CXCL13: variants seen among roughly 807,000 people sequenced by gnomAD.
CXCL13 encodes C-X-C motif chemokine ligand 13.
A neutral mutation model predicts 12.2 loss-of-function variants in CXCL13; 7 were observed. The observed-to-expected ratio is 0.57, with a 90% CI of 0.33 to 1.07. The LOEUF is 1.07. Ranked by LOEUF, CXCL13 falls within the 50% of genes least tolerant of loss-of-function variation. The probability of loss-of-function intolerance (pLI) is 0.04; values close to 1 mark genes in which losing one functional copy is unlikely to be tolerated. For synonymous variants in CXCL13, 47 were observed against 42.4 expected, an observed-to-expected ratio of 1.11 and a Z score of -0.42; for missense variants, 113 against 127.4, an observed-to-expected ratio of 0.89 and a Z score of 0.55.
At chr4:77,558,672 G>A (rs1181538917) in intron 1 of CXCL13, among the ~76,000 whole-genome samples, 1 of 152,154 alleles carries the variant, frequency 6.6e-6, no homozygotes, top group Non-Finnish European at 1.5e-5. Flanking sequence ...CACTTCTGTA[G>A]GAATCAGAGG....
chr4:77,517,248 A>G (rs937175518), intron 1 of CXCL13, among the ~76,000 whole-genome samples: 14 of 152,116 alleles, frequency 9.2e-5, no homozygotes, highest in African/African-American at 3.4e-4. Flanking sequence ...ATTTTGGAAT[A>G]GGTGTGGTGT....
intron 1 of CXCL13, among the ~76,000 whole-genome samples, chr4:77,545,802 G>T (rs1725347520): frequency 6.6e-6 from 1 of 152,192 alleles, no homozygotes; most frequent in Non-Finnish European, 1.5e-5. Flanking sequence ...GGAGTGGTGA[G>T]AGAGGGCATC....
chr4:77,523,288 A>G (rs1724662992), intron 1 of CXCL13, among the ~76,000 whole-genome samples: 1 of 152,194 alleles, frequency 6.6e-6, no homozygotes. Context: ...CTCCTGGATA[A>G]TATCCTGAAG....
intron 1 of CXCL13, among the ~76,000 whole-genome samples, chr4:77,513,910 T>C (rs530479303): frequency 6.6e-6 from 1 of 151,866 alleles, no homozygotes. Flanking sequence ...AACCACTAAC[T>C]CGTCATCTAG....
chr4:77,550,631 G>A (rs908660940), intron 1 of CXCL13, among the ~76,000 whole-genome samples: 1 of 152,134 alleles, frequency 6.6e-6, no homozygotes, highest in African/African-American at 2.4e-5. Flanking sequence ...AGATGTCCTA[G>A]GTCCAATTGA....
chr4:77,529,433 T>A (rs1168091165), intron 1 of CXCL13, among the ~76,000 whole-genome samples: 1 of 152,224 alleles, frequency 6.6e-6, no homozygotes, highest in African/African-American at 2.4e-5. Context: ...CTTCCATTTG[T>A]TTGTATCCTC....
At chr4:77,605,713 A>AT, upstream of CXCL13, 1 of 428,220 alleles carries the variant, frequency 2.3e-6, no homozygotes, top group Non-Finnish European at 4.3e-6. Context: ...GCTCAGCAAT[A>AT]TTTGGGGGCT....
intron 1 of CXCL13, among the ~76,000 whole-genome samples, chr4:77,550,032 T>A (rs1019958984): frequency 6.6e-6 from 1 of 152,214 alleles, no homozygotes; most frequent in Non-Finnish European, 1.5e-5. Context: ...GTTTACTTAG[T>A]CAAGCCTCAG....
intron 1 of CXCL13, among the ~76,000 whole-genome samples, chr4:77,573,320 A>C (rs1415037697): frequency 6.6e-6 from 1 of 150,898 alleles, no homozygotes; most frequent in Non-Finnish European, 1.5e-5. Context: ...TTGTGTTACT[A>C]TCTCAAGACT....
intron 1 of CXCL13, among the ~76,000 whole-genome samples, chr4:77,524,777 T>C (rs1000568530): frequency 6.6e-6 from 1 of 152,176 alleles, no homozygotes; most frequent in African/African-American, 2.4e-5. Context: ...CAGTTGGAAA[T>C]GCAGAAGTCC....
intron 1 of CXCL13, among the ~76,000 whole-genome samples, chr4:77,559,985 C>A (rs1725767119): frequency 6.7e-6 from 1 of 150,256 alleles, no homozygotes; most frequent in African/African-American, 2.4e-5. Flanking sequence ...GCTCCAGTGA[C>A]CCCTTCACTT....
Position 77,529,945 on chromosome 4 carries a change from G to A in CXCL13, c.-43+18157G>A, listed in dbSNP as rs558142918. Among the ~76,000 whole-genome samples, 10 of 152,264 alleles carry A rather than the reference G, an allele frequency of 6.6e-5. No individual in the cohort carries two copies. The East Asian group carries it at 7.7e-4, about 12-fold the overall frequency. Reference sequence around the variant, plus strand: ...AATAGCTCTCATTATTTTGAGATACGCTCCATCAATACCTAATTTATTGAG... The same window carrying A: ...AATAGCTCTCATTATTTTGAGATACACTCCATCAATACCTAATTTATTGAG... On this transcript the variant is annotated intron_variant, in intron 1 of 4. Coordinates refer to the CXCL13 transcript ENST00000286758.
chr4:77,570,762 T>TCGGCCGGCC (rs1726054391), intron 1 of CXCL13, among the ~76,000 whole-genome samples: 1 of 149,358 alleles, frequency 6.7e-6, no homozygotes, highest in Non-Finnish European at 1.5e-5. Context: ...GTCAGAGCGG[T>TCGGCCGGCC]CGGCCGGCCC....
At chr4:77,608,711 T>C (rs1340668834) in intron 2 of CXCL13, among the ~76,000 whole-genome samples, 1 of 152,210 alleles carries the variant, frequency 6.6e-6, no homozygotes, top group Non-Finnish European at 1.5e-5. Flanking sequence ...AAAGTGCATA[T>C]GGTAGTTTTT....
At chr4:77,532,044 A>G (rs1008556049) in intron 1 of CXCL13, among the ~76,000 whole-genome samples, 14 of 152,200 alleles carry the variant, frequency 9.2e-5, no homozygotes, top group African/African-American at 3.4e-4. Flanking sequence ...TAGCCCATTT[A>G]CATTTAAGGT....
intron 1 of CXCL13, among the ~76,000 whole-genome samples, chr4:77,515,582 G>A (rs1371642068): frequency 6.6e-6 from 1 of 152,150 alleles, no homozygotes; most frequent in Non-Finnish European, 1.5e-5. Context: ...GTGAATGGGA[G>A]TTCACTCATG....
intron 1 of CXCL13, among the ~76,000 whole-genome samples, chr4:77,562,031 G>A (rs1213623622): frequency 6.6e-6 from 1 of 152,180 alleles, no homozygotes; most frequent in African/African-American, 2.4e-5. Flanking sequence ...TGCGGAGGGT[G>A]CGCCGGGTCC....
chr4:77,525,392 G>A (rs1460571055), intron 1 of CXCL13, among the ~76,000 whole-genome samples: 2 of 152,122 alleles, frequency 1.3e-5, no homozygotes, highest in Non-Finnish European at 2.9e-5. Context: ...TGATTTTAGG[G>A]TGGTAAGATT....
chr4:77,590,242 G>A (rs1726573940), intron 1 of CXCL13, among the ~76,000 whole-genome samples: 1 of 152,148 alleles, frequency 6.6e-6, no homozygotes, highest in South Asian at 2.1e-4. Context: ...TTTAGGGAAT[G>A]TCTCTTCTGT....
Sources: allele counts gnomAD v4.1 joint callset (sites outside exome capture counted in the v4.1 genomes callset), GRCh38; gene constraint gnomAD v4.1.1; transcripts MANE v1.5; gene names NCBI Gene and HGNC (gene_info 2026-07-23, HGNC 2026-07-21).